DIAPH3: variants seen among roughly 807,000 people sequenced by gnomAD.
DIAPH3 encodes diaphanous related formin 3.
A neutral mutation model predicts 144.3 loss-of-function variants in DIAPH3; 117 were observed. The observed-to-expected ratio is 0.81, with a 90% CI of 0.70 to 0.95. DIAPH3 has a LOEUF of 0.95. Ranked by LOEUF, DIAPH3 falls within the 40% of genes least tolerant of loss-of-function variation. DIAPH3 has a pLI of 0.00. For missense variants in DIAPH3, 1,421 were observed against 1,412.7 expected, an observed-to-expected ratio of 1.01 and a Z score of -0.09; for synonymous variants, 519 against 488.9, an observed-to-expected ratio of 1.06 and a Z score of -0.81.
chr13:60,108,438 A>G (rs2058479408), intron 3 of DIAPH3, among the ~76,000 whole-genome samples: 1 of 152,004 alleles, frequency 6.6e-6, no homozygotes, highest in East Asian at 1.9e-4. Flanking sequence ...GTGAAACCAC[A>G]TCTCTACCAA....
At chr13:59,698,006 A>T (rs575017596) in intron 27 of DIAPH3, among the ~76,000 whole-genome samples, 2 of 152,244 alleles carry the variant, frequency 1.3e-5, no homozygotes, top group South Asian at 4.1e-4. Flanking sequence ...TTTTTTTTAC[A>T]TTATCTTAAA....
At chr13:60,155,498 AGAAAG>A (rs1171962070) in intron 1 of DIAPH3, among the ~76,000 whole-genome samples, 1 of 152,254 alleles carries the variant, frequency 6.6e-6, no homozygotes, top group Non-Finnish European at 1.5e-5. Context: ...TAAGAAGGAT[AGAAAG>A]GAAAGAATGG....
At chr13:59,681,526 T>C (rs2032947585) in intron 27 of DIAPH3, among the ~76,000 whole-genome samples, 1 of 151,658 alleles carries the variant, frequency 6.6e-6, no homozygotes, top group Admixed American at 6.6e-5. Flanking sequence ...AATCCACAAA[T>C]AAGGAACTCA....
chr13:60,011,198 T>A (rs1486045315), intron 7 of DIAPH3, among the ~76,000 whole-genome samples: 1 of 152,122 alleles, frequency 6.6e-6, no homozygotes, highest in African/African-American at 2.4e-5. Flanking sequence ...AAGGTGATCT[T>A]ACAACAATAC....
intron 25 of DIAPH3, among the ~76,000 whole-genome samples, chr13:59,792,525 T>C (rs1260521723): frequency 6.6e-6 from 1 of 152,198 alleles, no homozygotes; most frequent in African/African-American, 2.4e-5. Flanking sequence ...CAGGGAGCAA[T>C]CCCTTCTACT....
intron 20 of DIAPH3, among the ~76,000 whole-genome samples, chr13:59,894,985 C>T (rs1203333780): frequency 6.6e-6 from 1 of 151,982 alleles, no homozygotes; most frequent in Non-Finnish European, 1.5e-5. Flanking sequence ...CAACAAGGAA[C>T]AAAATATTGA....
At chr13:60,003,831 C>T (rs1045765488) in intron 9 of DIAPH3, among the ~76,000 whole-genome samples, 1 of 152,074 alleles carries the variant, frequency 6.6e-6, no homozygotes, top group Non-Finnish European at 1.5e-5. Context: ...TCGTCTGTCT[C>T]GGCCTCCCAA....
At chr13:59,714,896 ATAAG>A (rs1443642839) in intron 27 of DIAPH3, among the ~76,000 whole-genome samples, 1 of 152,172 alleles carries the variant, frequency 6.6e-6, no homozygotes, top group African/African-American at 2.4e-5. Flanking sequence ...GAGAACAAAA[ATAAG>A]TATTCTACCT....
At chr13:59,857,405 T>C (rs1036506062) in intron 22 of DIAPH3, among the ~76,000 whole-genome samples, 1 of 152,062 alleles carries the variant, frequency 6.6e-6, no homozygotes, top group African/African-American at 2.4e-5. Context: ...AATCAAGGAA[T>C]TGCTAGCTAA....
intron 7 of DIAPH3, chr13:60,012,960 C>T: frequency 1.0e-6 from 1 of 966,224 alleles, no homozygotes; most frequent in Non-Finnish European, 1.2e-6. Flanking sequence ...TACAGAATTG[C>T]TACTTGTATA....
chr13:59,776,940 AC>A (rs1193025765), intron 25 of DIAPH3, among the ~76,000 whole-genome samples: 2,947 of 152,064 alleles, frequency 0.019, 84 homozygotes, highest in East Asian at 0.12. Flanking sequence ...AAACAAACAA[AC>A]AAACAAACAA....
intron 17 of DIAPH3, among the ~76,000 whole-genome samples, chr13:59,928,954 T>C (rs999384287): frequency 2.0e-5 from 3 of 152,156 alleles, no homozygotes; most frequent in African/African-American, 7.2e-5. Flanking sequence ...GAGGTCGCTA[T>C]TGGACAAAAT....
chr13:59,756,409 A>AAAGGAAGG lies in DIAPH3; in HGVS notation c.3319+17772_3319+17779dup, dbSNP rs762777029. ...TAGATACATGTGGTAAATTTAGTAA[A>AAAGGAAGG]AAGGAAGGAAGGAAGGAAGGAAGGA... is the stretch of plus-strand genomic sequence containing the variant. On this transcript the variant is annotated intron_variant, in intron 27 of 27. Transcript: ENST00000400324. Among the ~76,000 whole-genome samples, 312 of 137,624 alleles carry AAAGGAAGG rather than the reference A, an allele frequency of 2.3e-3. 2 individuals are homozygous for AAAGGAAGG. Among genetic ancestry groups the AAAGGAAGG allele is most frequent in the East Asian group, 0.01 (49 of 4,716 alleles). The allele number at this position is 137,624 out of a possible 152,430, so 90.3% of individuals were successfully genotyped here.
At chr13:59,786,768 GA>G (rs2039052967) in intron 25 of DIAPH3, among the ~76,000 whole-genome samples, 2 of 152,198 alleles carry the variant, frequency 1.3e-5, no homozygotes, top group African/African-American at 4.8e-5. Context: ...TGTTTAGGGA[GA>G]GGGGGTAGAG....
At chr13:59,758,766 G>C (rs1273517582) in intron 27 of DIAPH3, among the ~76,000 whole-genome samples, 1 of 150,716 alleles carries the variant, frequency 6.6e-6, no homozygotes, top group South Asian at 2.1e-4. Context: ...ACAGAGGCAA[G>C]AATTTTCTCT....
chr13:59,971,186 T>A (rs755454967), intron 15 of DIAPH3, 26 bp from the exon 16 acceptor site: 1 of 1,550,184 alleles, frequency 6.5e-7, no homozygotes, highest in Admixed American at 2.0e-5. Flanking sequence ...ATAAGAGACA[T>A]AACTAAGAAC....
intron 1 of DIAPH3, among the ~76,000 whole-genome samples, chr13:60,137,611 A>G (rs940226293): frequency 1.3e-5 from 2 of 152,162 alleles, no homozygotes; most frequent in Non-Finnish European, 2.9e-5. Flanking sequence ...CATTGATATC[A>G]TTAGGAACAT....
At chr13:59,732,818 G>A (rs2035954282) in intron 27 of DIAPH3, among the ~76,000 whole-genome samples, 1 of 152,066 alleles carries the variant, frequency 6.6e-6, no homozygotes, top group African/African-American at 2.4e-5. Context: ...AGTGAAATCA[G>A]AAAATTAGAA....
chr13:59,959,609 G>C (rs1430654492), intron 17 of DIAPH3, among the ~76,000 whole-genome samples: 2 of 152,108 alleles, frequency 1.3e-5, no homozygotes, highest in Admixed American at 6.6e-5. Flanking sequence ...TGACTTGCTC[G>C]GCTATTGCTG....
Sources: gnomAD v4.1 joint callset for allele counts (sites outside exome capture counted in the v4.1 genomes callset) on GRCh38, gnomAD v4.1.1 for gene constraint, MANE v1.5 for transcripts, NCBI Gene and HGNC (gene_info 2026-07-23, HGNC 2026-07-21) for gene names.